The following ZGRF1 variants were observed in gnomAD, a reference collection of about 807,000 sequenced individuals.
ZGRF1 encodes 5'-3' DNA helicase ZGRF1.
Under a neutral mutation model 203.5 loss-of-function variants are expected in ZGRF1, and 196 were observed. The observed-to-expected ratio is 0.96, with a 90% CI of 0.86 to 1.08. ZGRF1 has a LOEUF of 1.08. ZGRF1 is among the 50% of genes least tolerant of loss of function. The pLI is 0.00. For missense variants in ZGRF1, 2,326 were observed against 2,416.3 expected, an observed-to-expected ratio of 0.96 and a Z score of 0.78; for synonymous variants, 809 against 841.3, an observed-to-expected ratio of 0.96 and a Z score of 0.66.
At chr4:112,542,974 G>C (rs189549769) in intron 24 of ZGRF1, among the ~76,000 whole-genome samples, 2 of 152,050 alleles carry the variant, frequency 1.3e-5, no homozygotes, top group Middle Eastern at 3.4e-3. Flanking sequence ...TAGATTATAG[G>C]CATGAGCCAT....
intron 16 of ZGRF1, among the ~76,000 whole-genome samples, chr4:112,576,483 C>G (rs1479925776): frequency 6.6e-6 from 1 of 151,996 alleles, no homozygotes; most frequent in Non-Finnish European, 1.5e-5. Context: ...CTACTCCCAG[C>G]TAAAGGAGGA....
Position 112,603,201 on chromosome 4 carries a change from G to A in ZGRF1, c.2976+323C>T, listed in dbSNP as rs531118794. ...CTCAGTGTCATATTTAAAGAGAGAA[G>A]GGAAATATCAGAAGAAAAAAAATCT... On this transcript the variant is annotated intron_variant, in intron 10 of 27. Coordinates refer to ENST00000505019, the MANE Select transcript of ZGRF1 (RefSeq NM_018392.5). Among the ~76,000 whole-genome samples, 3 of 152,002 alleles carry A rather than the reference G, an allele frequency of 2.0e-5. 1 individual carries two copies. Among genetic ancestry groups the A allele is most frequent in the African/African-American group, 7.2e-5 (3 of 41,384 alleles).
intron 10 of ZGRF1, among the ~76,000 whole-genome samples, chr4:112,598,676 T>G (rs1414313171): frequency 6.6e-6 from 1 of 151,934 alleles, no homozygotes; most frequent in East Asian, 1.9e-4. Context: ...AAACATTAAG[T>G]GAAAAAGAGT....
intron 6 of ZGRF1, among the ~76,000 whole-genome samples, chr4:112,616,908 A>T (rs1178848904): frequency 6.6e-6 from 1 of 152,050 alleles, no homozygotes; most frequent in Non-Finnish European, 1.5e-5. Context: ...GATTGGAATT[A>T]GAGGTATCAA....
At position 112,587,663 on chromosome 4, in the gene ZGRF1, G is replaced by T; in HGVS notation, c.3394C>A (p.Pro1132Thr). ...FFSEESREVN[P>T]GDVSLNNIST... ...ATATTATTAAGTGAAACATCCCCTGGATTCACTTCCCTAGATTCTTCAGAG... is the reference window on the plus strand; with the variant it reads ...ATATTATTAAGTGAAACATCCCCTGTATTCACTTCCCTAGATTCTTCAGAG... Residue 1132 changes from proline to threonine, a missense_variant, in exon 12 of 28, where the codon CCA becomes ACA. Transcript: ENST00000505019. The T allele has an allele frequency of 6.2e-7, 1 of 1,613,538 alleles. No homozygotes were observed. The highest frequency in any genetic ancestry group is 8.5e-7 in the Non-Finnish European group (1 of 1,179,734).
chr4:112,569,041 A>G (rs1314595931), intron 16 of ZGRF1, among the ~76,000 whole-genome samples: 2 of 152,214 alleles, frequency 1.3e-5, no homozygotes, highest in Admixed American at 6.5e-5. Flanking sequence ...TCACAGTGCC[A>G]TCAGACTTTC....
intron 16 of ZGRF1, among the ~76,000 whole-genome samples, chr4:112,572,432 C>T (rs1211358458): frequency 2.6e-5 from 4 of 152,108 alleles, no homozygotes; most frequent in African/African-American, 9.7e-5. Context: ...AATCTAAGAC[C>T]TGAAACCATA....
At position 112,618,217 on chromosome 4, in the gene ZGRF1, G is replaced by C. The variant is rs368909668; in HGVS notation, c.1825C>G (p.Leu609Val). Reference protein sequence around the residue: ...PTVTFPVKETLPSQFCDKTYV... With the variant: ...PTVTFPVKETVPSQFCDKTYV... ...GTTTTATCACAAAACTGTGATGGCAGAGTCTCTTTAACAGGAAATGTCACT... is the reference window on the plus strand; with the variant it reads ...GTTTTATCACAAAACTGTGATGGCACAGTCTCTTTAACAGGAAATGTCACT... Residue 609 changes from leucine to valine, a missense_variant, in exon 6 of 28, where the codon CTG becomes GTG. Physicochemically the swap from Leu to Val is conservative, Grantham distance 32. Transcript: ENST00000505019. 661 of 1,613,854 alleles carry C rather than the reference G, an allele frequency of 4.1e-4. 1 individual carries two copies. Among genetic ancestry groups the C allele is most frequent in the South Asian group, 1.7e-3 (158 of 91,006 alleles).
In ZGRF1 at chr4:112,548,129, T is replaced by A. The variant is rs1739171151; in HGVS notation, c.5474+124A>T. 5.3e-6 allele frequency: 4 copies of A among 752,676 alleles called. No homozygotes were observed. In the African/African-American group the frequency reaches 7.1e-5, roughly 13 times the overall value. 46.6% of individuals were successfully genotyped at this position (752,676 alleles called of 1,614,324 possible). A position where few individuals can be genotyped will look rare whatever the true frequency, so the allele number is the denominator to read the frequency against. On this transcript the variant is annotated intron_variant, in intron 23 of 27. Coordinates refer to ENST00000505019, the MANE Select transcript of ZGRF1 (RefSeq NM_018392.5). ...GCTAATTTTGTATTTTTTGTAGAAA[T>A]GGGGATTCGCCATGTTGTCCAAGCT...
At position 112,589,875 on chromosome 4, in the gene ZGRF1, C is replaced by G; in HGVS notation, c.2977-1G>C. On this transcript the variant is annotated splice_acceptor_variant, in intron 10 of 27. Transcript: ENST00000505019. LOFTEE classifies it high-confidence loss of function. The stretch of plus-strand genomic sequence containing the variant: ...AGATGTTTTCTTCTGGTGATGTCAC[C>G]TATACAGAAAGAAGAATCAAAACTA... 1 of 1,557,472 alleles carries G rather than the reference C, an allele frequency of 6.4e-7. No individual in the cohort carries two copies. Among genetic ancestry groups the G allele is most frequent in the Non-Finnish European group, 8.7e-7 (1 of 1,155,884 alleles).
In ZGRF1 at chr4:112,540,910, T is replaced by C; in HGVS notation, c.5821A>G (p.Thr1941Ala). ...SFHNVAEATF[T>A]LKLIQSLIAS... ...ATCAGTGATTGAATCAGCTTGAGTG[T>C]AAACGTAGCTTCTGCCACATTATGA... The change falls in exon 26 of 28, where the codon ACA becomes GCA. Residue 1941 changes from threonine (T) to alanine (A), a missense_variant. Coordinates refer to ENST00000505019, the MANE Select transcript of ZGRF1 (RefSeq NM_018392.5). 1 of 1,580,874 alleles carries C rather than the reference T, an allele frequency of 6.3e-7. No individual in the cohort carries two copies. The highest frequency in any genetic ancestry group is 8.6e-7 in the Non-Finnish European group (1 of 1,161,582).
At chr4:112,601,437 GGTGGCGCAT>G (rs1204713156) in intron 10 of ZGRF1, among the ~76,000 whole-genome samples, 3 of 151,990 alleles carry the variant, frequency 2.0e-5, no homozygotes, top group African/African-American at 7.2e-5. Context: ...AGCCAGGCAT[GGTGGCGCAT>G]GTCTGTAATC....
chr4:112,614,485 GC>G (rs1312841034), intron 6 of ZGRF1, among the ~76,000 whole-genome samples: 51 of 152,240 alleles, frequency 3.3e-4, no homozygotes, highest in African/African-American at 1.2e-3. Context: ...GTTGCTTAGT[GC>G]CACATTTTTC....
chr4:112,566,946 GAA>G (rs79937698), intron 16 of ZGRF1, among the ~76,000 whole-genome samples: 1 of 143,792 alleles, frequency 7.0e-6, no homozygotes, highest in Non-Finnish European at 1.5e-5. Flanking sequence ...TCCTCTGGAG[GAA>G]AAAAAAAAAA....
chr4:112,588,502 T>G (rs2149030735), intron 11 of ZGRF1, among the ~76,000 whole-genome samples: 1 of 152,308 alleles, frequency 6.6e-6, no homozygotes, highest in East Asian at 1.9e-4. Flanking sequence ...TTTGATCTAA[T>G]GGTGTTTGAT....
In ZGRF1 at chr4:112,540,690, T is replaced by G. The variant is rs1375480590; in HGVS notation, c.5910+131A>C. ...CAGAAAAAAATCAGAATGTTTCTTT[T>G]TTAATATATTAATTACAGTACCAAA... On this transcript the variant is annotated intron_variant, in intron 26 of 27. Coordinates refer to ENST00000505019, the MANE Select transcript of ZGRF1 (RefSeq NM_018392.5). 13 of 550,730 alleles carry G rather than the reference T, an allele frequency of 2.4e-5. No homozygotes were observed. In the South Asian group the frequency reaches 5.2e-4, roughly 22 times the overall value. 34.1% of individuals were successfully genotyped at this position (550,730 alleles called of 1,614,324 possible).
chr4:112,606,953 T>C (rs1031717289), intron 8 of ZGRF1, among the ~76,000 whole-genome samples: 2 of 152,158 alleles, frequency 1.3e-5, no homozygotes, highest in African/African-American at 4.8e-5. Flanking sequence ...ACAAAAGTAA[T>C]TGTTTAAATG....
chr4:112,618,739 C>T lies in ZGRF1; in HGVS notation c.1303G>A (p.Glu435Lys), dbSNP rs779305763. Residue 435 changes from glutamate to lysine, a missense_variant, in exon 6 of 28, where the codon GAA (glutamate) becomes AAA (lysine). Glu to Lys is a moderately conservative substitution (Grantham distance 56). Coordinates refer to ENST00000505019, the MANE Select transcript of ZGRF1 (RefSeq NM_018392.5). The part of the protein sequence containing the change: ...DGILSESDIQ[E>K]DNKIPFNQND... ...TGATTAAAAGGTATTTTATTATCTT[C>T]TTGAATGTCAGATTCTGATAATATA... 4.3e-6 allele frequency: 7 copies of T among 1,610,532 alleles called. No homozygotes were observed. In the Admixed American group the frequency reaches 5.0e-5, roughly 12 times the overall value.
intron 10 of ZGRF1, among the ~76,000 whole-genome samples, chr4:112,598,288 T>C (rs1200888850): frequency 6.6e-6 from 1 of 152,126 alleles, no homozygotes; most frequent in East Asian, 1.9e-4. Flanking sequence ...TACAGCTTTT[T>C]GAGGGTATGG....
Sources: allele counts gnomAD v4.1 joint callset (sites outside exome capture counted in the v4.1 genomes callset), GRCh38; gene constraint gnomAD v4.1.1; transcripts MANE v1.5; gene names NCBI Gene and HGNC (gene_info 2026-07-23, HGNC 2026-07-21).